COL5A2: variants seen among roughly 807,000 people sequenced by gnomAD.
COL5A2 encodes collagen type V alpha 2 chain.
A neutral mutation model predicts 208.2 loss-of-function variants in COL5A2; 23 were observed. The observed-to-expected ratio is 0.11, with a 90% CI of 0.08 to 0.16. COL5A2 has a LOEUF of 0.16. COL5A2 is among the 10% of genes least tolerant of loss of function. The pLI, the probability that COL5A2 is intolerant of heterozygous loss-of-function variation, is 1.00. For missense variants in COL5A2, 1,590 were observed against 1,956.4 expected, an observed-to-expected ratio of 0.81 and a Z score of 3.53; for synonymous variants, 625 against 628.5, an observed-to-expected ratio of 0.99 and a Z score of 0.08.
At chr2:189,307,335 C>G in the COL5A2 span, among the ~76,000 whole-genome samples, 9 of 151,698 alleles carry the variant, frequency 5.9e-5, no homozygotes, top group Non-Finnish European at 1.0e-4. Flanking sequence ...AATATTCTAC[C>G]TATATATAAA....
chr2:189,150,479 T>A (rs1003285472), intron 1 of COL5A2, among the ~76,000 whole-genome samples: 2 of 152,190 alleles, frequency 1.3e-5, no homozygotes, highest in East Asian at 1.9e-4. Context: ...GCTAATTTTT[T>A]ATGTAAATTT....
the COL5A2 span, among the ~76,000 whole-genome samples, chr2:189,403,634 T>C: frequency 2.0e-5 from 3 of 152,200 alleles, no homozygotes; most frequent in Non-Finnish European, 4.4e-5. Context: ...TTAAGGGATG[T>C]TGAATTTTAT....
chr2:189,345,886 T>C, the COL5A2 span, among the ~76,000 whole-genome samples: 1 of 152,176 alleles, frequency 6.6e-6, no homozygotes, highest in Non-Finnish European at 1.5e-5. Context: ...TTGACCTAAG[T>C]CATTATATTA....
intron 12 of COL5A2, among the ~76,000 whole-genome samples, 177 bp downstream of exon 12, chr2:189,083,807 T>C (rs1686591508): frequency 6.6e-6 from 1 of 152,212 alleles, no homozygotes; most frequent in Non-Finnish European, 1.5e-5. Flanking sequence ...AGCAGACAAC[T>C]GGAGTTAACA....
the COL5A2 span, among the ~76,000 whole-genome samples, chr2:189,269,815 C>T: frequency 6.6e-6 from 1 of 152,114 alleles, no homozygotes; most frequent in Non-Finnish European, 1.5e-5. Flanking sequence ...AGGAATGGTA[C>T]CAGCTCCTCT....
chr2:189,308,526 C>T, the COL5A2 span, among the ~76,000 whole-genome samples: 2 of 152,124 alleles, frequency 1.3e-5, no homozygotes, highest in Non-Finnish European at 2.9e-5. Flanking sequence ...CCATTCCTGT[C>T]TAGGCCTTTT....
At chr2:189,230,899 T>C in the COL5A2 span, among the ~76,000 whole-genome samples, 1 of 151,938 alleles carries the variant, frequency 6.6e-6, no homozygotes, top group Non-Finnish European at 1.5e-5. Context: ...CCCATATTCA[T>C]TGCAGCATTT....
At chr2:189,169,586 C>T (rs1002491769) in intron 1 of COL5A2, among the ~76,000 whole-genome samples, 1 of 151,972 alleles carries the variant, frequency 6.6e-6, no homozygotes, top group African/African-American at 2.4e-5. Context: ...ATAAAAATTG[C>T]ATTTTAAAAT....
At chr2:189,083,702 T>A (rs141188927) in intron 12 of COL5A2, among the ~76,000 whole-genome samples, 208 of 152,222 alleles carry the variant, frequency 1.4e-3, no homozygotes, top group Non-Finnish European at 2.2e-3. Context: ...TTTTTCTGAA[T>A]TTTCTGAGGA....
Position 189,048,249 on chromosome 2 carries a change from T to C in COL5A2, c.3161A>G (p.Asn1054Ser). 1.2e-6 allele frequency: 2 copies of C among 1,614,022 alleles called. No individual in the cohort carries two copies. Among genetic ancestry groups the C allele is most frequent in the East Asian group, 2.2e-5 (1 of 44,830 alleles). Reference sequence around the variant, plus strand: ...ACCATCCCGTCCTGGGGTACCATCATTGCCAGCTGGACCCTATAAAGAATA... The same window carrying C: ...ACCATCCCGTCCTGGGGTACCATCACTGCCAGCTGGACCCTATAAAGAATA... ...GEPGPEGPAG[N>S]DGTPGRDGAV... is the part of the protein sequence containing the mutation. The change falls in exon 45 of 54, where the codon AAT becomes AGT. Residue 1054 changes from asparagine (N) to serine (S), a missense_variant. By Grantham distance (46) the Asn-to-Ser change is conservative. Coordinates refer to ENST00000374866, the MANE Select transcript of COL5A2 (RefSeq NM_000393.5).
the COL5A2 span, among the ~76,000 whole-genome samples, chr2:189,270,825 A>C: frequency 6.6e-6 from 1 of 152,192 alleles, no homozygotes; most frequent in Non-Finnish European, 1.5e-5. Context: ...ATACAAAATC[A>C]ATGTGAAAAA....
At chr2:189,051,251 G>T in intron 42 of COL5A2, 69 bp downstream of exon 42, 2 of 1,597,530 alleles carry the variant, frequency 1.3e-6, no homozygotes, top group South Asian at 2.2e-5. Flanking sequence ...TTGTGACACT[G>T]ATCATTATGG....
At chr2:189,095,501 TAC>T (rs545646080) in intron 6 of COL5A2, among the ~76,000 whole-genome samples, 1 of 151,306 alleles carries the variant, frequency 6.6e-6, no homozygotes, top group African/African-American at 2.4e-5. Context: ...CGCTCTTTCA[TAC>T]ACACACACAC....
the COL5A2 span, among the ~76,000 whole-genome samples, chr2:189,413,783 ATTTTTTTTTTT>A: frequency 8.8e-5 from 7 of 79,176 alleles, no homozygotes; most frequent in African/African-American, 3.1e-4. Context: ...CCTTGGCGTC[ATTTTTTTTTTT>A]TTTTTTTTTT....
the COL5A2 span, among the ~76,000 whole-genome samples, chr2:189,420,317 T>C: frequency 6.6e-6 from 1 of 152,108 alleles, no homozygotes; most frequent in Non-Finnish European, 1.5e-5. Context: ...TAATTAAATT[T>C]TAAGAATGAG....
At chr2:189,291,574 G>C in the COL5A2 span, among the ~76,000 whole-genome samples, 11 of 151,944 alleles carry the variant, frequency 7.2e-5, no homozygotes, top group African/African-American at 2.4e-4. Flanking sequence ...ATTTTATCAT[G>C]GATAAATTCT....
upstream of COL5A2, among the ~76,000 whole-genome samples, chr2:189,228,550 T>C (rs1369510929): frequency 6.6e-6 from 1 of 151,820 alleles, no homozygotes; most frequent in East Asian, 1.9e-4. Flanking sequence ...TTATCCAAAT[T>C]GGATAGCCTA....
chr2:189,294,564 T>C, the COL5A2 span, among the ~76,000 whole-genome samples: 1 of 152,174 alleles, frequency 6.6e-6, no homozygotes, highest in Non-Finnish European at 1.5e-5. Flanking sequence ...ACATAATCAC[T>C]TTCTAAAATG....
the COL5A2 span, among the ~76,000 whole-genome samples, chr2:189,439,046 G>A: frequency 1.3e-5 from 2 of 152,076 alleles, no homozygotes; most frequent in Admixed American, 1.3e-4. Context: ...TCACCAAACA[G>A]CTCCATGCTT....
Sources: gnomAD v4.1 joint callset for allele counts (sites outside exome capture counted in the v4.1 genomes callset) on GRCh38, gnomAD v4.1.1 for gene constraint, MANE v1.5 for transcripts, NCBI Gene and HGNC (gene_info 2026-07-23, HGNC 2026-07-21) for gene names.